Variants in IPO11 observed in about 807,000 individuals in gnomAD.
IPO11 encodes the protein importin 11, also known as importin-11.
In IPO11, 66 loss-of-function variants were observed where a neutral mutation model predicts 143.2. The observed-to-expected ratio is 0.46, with a 90% CI of 0.38 to 0.57. IPO11 has a LOEUF of 0.57. Ranked by LOEUF, IPO11 falls within the 20% of genes least tolerant of loss-of-function variation. The probability of loss-of-function intolerance (pLI) is 0.00; values close to 1 mark genes in which losing one functional copy is unlikely to be tolerated. For synonymous variants in IPO11, 385 were observed against 377.8 expected (o/e 1.02, Z -0.22); for missense variants, 1,026 against 1,141.0 (o/e 0.90, Z 1.45).
At chr5:62,544,170 A>G (rs1013594612) in intron 24 of IPO11, among the ~76,000 whole-genome samples, 1 of 152,068 alleles carries the variant, frequency 6.6e-6, no homozygotes, top group Admixed American at 6.6e-5. Context: ...TTTTAGACCA[A>G]TATCCCTGAT....
chr5:62,536,990 T>C (rs1742757053), intron 23 of IPO11, among the ~76,000 whole-genome samples: 1 of 152,136 alleles, frequency 6.6e-6, no homozygotes, highest in Non-Finnish European at 1.5e-5. Context: ...TCAACAAATT[T>C]TTTTTATATT....
chr5:62,547,594 A>G (rs1370309321), intron 24 of IPO11, among the ~76,000 whole-genome samples: 1 of 152,148 alleles, frequency 6.6e-6, no homozygotes, highest in Non-Finnish European at 1.5e-5. Flanking sequence ...CTACGGTTCC[A>G]GACCTTTTAG....
chr5:62,459,644 G>A (rs776501761), intron 5 of IPO11, among the ~76,000 whole-genome samples: 9 of 151,790 alleles, frequency 5.9e-5, no homozygotes, highest in Non-Finnish European at 1.0e-4. Context: ...TCTGCCTCCC[G>A]GGTTCAAGCA....
intron 27 of IPO11, among the ~76,000 whole-genome samples, chr5:62,569,364 G>C (rs913880401): frequency 1.3e-5 from 2 of 152,138 alleles, no homozygotes; most frequent in Non-Finnish European, 2.9e-5. Context: ...GGTTTCTTTA[G>C]CTCTTGTGAA....
intron 5 of IPO11, among the ~76,000 whole-genome samples, chr5:62,463,627 C>T (rs1420737918): frequency 3.3e-5 from 5 of 151,170 alleles, no homozygotes; most frequent in Admixed American, 1.3e-4. Context: ...GCCGTGATTG[C>T]GCCACTGCAC....
intron 27 of IPO11, among the ~76,000 whole-genome samples, chr5:62,573,464 A>G (rs1744212817): frequency 6.6e-6 from 1 of 152,150 alleles, no homozygotes; most frequent in Non-Finnish European, 1.5e-5. Flanking sequence ...GTTAGATTTT[A>G]TATAGGGAAT....
chr5:62,426,646 TA>T (rs1743753105), intron 1 of IPO11, among the ~76,000 whole-genome samples: 1 of 152,068 alleles, frequency 6.6e-6, no homozygotes, highest in South Asian at 2.1e-4. Flanking sequence ...CTCTTGGCCT[TA>T]AAAAATGTAT....
chr5:62,525,735 T>G (rs370061590), intron 20 of IPO11, among the ~76,000 whole-genome samples: 2 of 152,310 alleles, frequency 1.3e-5, no homozygotes, highest in East Asian at 3.9e-4. Flanking sequence ...GTTCCATAAT[T>G]CGGTTACTTT....
intron 27 of IPO11, among the ~76,000 whole-genome samples, chr5:62,566,638 T>C (rs32159): frequency 0.1 from 15,408 of 151,048 alleles, 897 homozygotes; most frequent in African/African-American, 0.15. Context: ...CTCCGGAGGC[T>C]GAGGCTTAAG....
chr5:62,534,613 G>A (rs1328844462), intron 22 of IPO11, among the ~76,000 whole-genome samples: 1 of 152,174 alleles, frequency 6.6e-6, no homozygotes, highest in Admixed American at 6.5e-5. Context: ...AGAAGTCTAC[G>A]AAAAGAAAAA....
At chr5:62,425,000 G>A (rs912833339) in intron 1 of IPO11, among the ~76,000 whole-genome samples, 2 of 152,182 alleles carry the variant, frequency 1.3e-5, no homozygotes, top group African/African-American at 4.8e-5. Flanking sequence ...AGTAGAAGCA[G>A]TGCTGTAAGG....
At chr5:62,529,067 A>G (rs965785379) in intron 21 of IPO11, among the ~76,000 whole-genome samples, 1 of 152,032 alleles carries the variant, frequency 6.6e-6, no homozygotes, top group Non-Finnish European at 1.5e-5. Flanking sequence ...ATCTTATTCT[A>G]CTTGCTTTAG....
intron 1 of IPO11, among the ~76,000 whole-genome samples, chr5:62,424,147 T>TG (rs954519727): frequency 3.6e-4 from 55 of 151,298 alleles, no homozygotes; most frequent in Middle Eastern, 6.8e-3. Context: ...GCTTTTTTTT[T>TG]TTTGTTTTTT....
chr5:62,423,852 C>T (rs1175076096), intron 1 of IPO11, among the ~76,000 whole-genome samples: 1 of 152,130 alleles, frequency 6.6e-6, no homozygotes, highest in South Asian at 2.1e-4. Context: ...TAGAACTCTT[C>T]CCCGGTCTTC....
At chr5:62,469,972 G>A (rs1232094223) in intron 6 of IPO11, among the ~76,000 whole-genome samples, 3 of 152,142 alleles carry the variant, frequency 2.0e-5, no homozygotes, top group African/African-American at 7.2e-5. Flanking sequence ...CAGGTAAGAA[G>A]TACTAACAAT....
intron 27 of IPO11, among the ~76,000 whole-genome samples, chr5:62,575,234 A>C (rs1468188387): frequency 6.6e-6 from 1 of 152,224 alleles, no homozygotes; most frequent in Admixed American, 6.5e-5. Flanking sequence ...CAAGAACAAT[A>C]AAGAACACTC....
At chr5:62,454,136 A>G (rs566257568) in intron 5 of IPO11, among the ~76,000 whole-genome samples, 1 of 151,882 alleles carries the variant, frequency 6.6e-6, no homozygotes, top group South Asian at 2.1e-4. Context: ...CTCCATCTCA[A>G]ATAAAAAATA....
chr5:62,537,410 T>G lies in IPO11; in HGVS notation c.2250+121T>G, dbSNP rs1271748005. 3 of 644,408 alleles carry G rather than the reference T, an allele frequency of 4.7e-6. No individual in the cohort carries two copies. The African/African-American group carries it at 5.5e-5, about 12-fold the overall frequency. The allele number at this position is 644,408 out of a possible 1,614,324, so 39.9% of individuals were successfully genotyped here. A position where few individuals can be genotyped will look rare whatever the true frequency, so the allele number is the denominator to read the frequency against. On this transcript the variant is annotated intron_variant, in intron 24 of 29. Coordinates refer to ENST00000325324, the MANE Select transcript of IPO11 (RefSeq NM_016338.5). ...AGTTGATATAGTTCTAGACAGGCTA[T>G]TTTGGCAGTTTTCAGTTGGTTTAAT...
chr5:62,425,672 G>A (rs1413959266), intron 1 of IPO11, among the ~76,000 whole-genome samples: 4 of 152,112 alleles, frequency 2.6e-5, no homozygotes, highest in South Asian at 4.1e-4. Context: ...TACATTATCC[G>A]GTAAAGAAAG....
Sources: allele counts gnomAD v4.1 joint callset (sites outside exome capture counted in the v4.1 genomes callset), GRCh38; gene constraint gnomAD v4.1.1; transcripts MANE v1.5; gene names NCBI Gene and HGNC (gene_info 2026-07-23, HGNC 2026-07-21).